The following GRID2 variants were observed in gnomAD, a reference collection of about 807,000 sequenced individuals.
GRID2 encodes glutamate ionotropic receptor delta type subunit 2, also known as glutamate receptor ionotropic, delta-2.
Under a neutral mutation model 114.8 loss-of-function variants are expected in GRID2, and 33 were observed. That is an observed-to-expected ratio of 0.29 (90% CI 0.22 to 0.38). The LOEUF (loss-of-function observed/expected upper bound fraction) is 0.38, where lower values mean the gene tolerates loss of function less well. Ranked by LOEUF, GRID2 falls within the 10% of genes least tolerant of loss-of-function variation. GRID2 has a pLI of 1.00. For missense variants in GRID2, 1,184 were observed against 1,257.7 expected, an observed-to-expected ratio of 0.94 and a Z score of 0.89; for synonymous variants, 505 against 449.9, an observed-to-expected ratio of 1.12 and a Z score of -1.55.
chr4:92,892,842 T>C lies in GRID2; in HGVS notation c.245-192153T>C, dbSNP rs543978804. Among the ~76,000 whole-genome samples, 51 of 152,310 alleles carry C rather than the reference T, an allele frequency of 3.3e-4. No homozygotes were observed. The South Asian group carries it at 0.01, about 30-fold the overall frequency. On this transcript the variant is annotated intron_variant, in intron 2 of 15. Transcript: ENST00000282020. ...CATAGATTATTACAGATTTGTAAAG[T>C]TGTTGACACTTTAAAATTAATTTTA...
At chr4:92,991,738 A>T (rs1440629750) in intron 2 of GRID2, among the ~76,000 whole-genome samples, 1 of 152,178 alleles carries the variant, frequency 6.6e-6, no homozygotes, top group East Asian at 1.9e-4. Context: ...TAAATTTAAA[A>T]CAACTAAAAA....
intron 14 of GRID2, among the ~76,000 whole-genome samples, chr4:93,727,155 G>A (rs375921935): frequency 1.6e-4 from 25 of 152,172 alleles, no homozygotes; most frequent in Admixed American, 3.9e-4. Flanking sequence ...TTTGAGATAC[G>A]TCCCATCAAT....
chr4:92,619,803 A>G (rs1162624760), intron 2 of GRID2, among the ~76,000 whole-genome samples: 1 of 151,688 alleles, frequency 6.6e-6, no homozygotes, highest in Non-Finnish European at 1.5e-5. Flanking sequence ...GAATCCTTAA[A>G]TAGTTTCACA....
chr4:93,195,759 A>G (rs1466442555), intron 4 of GRID2, among the ~76,000 whole-genome samples: 7 of 152,364 alleles, frequency 4.6e-5, no homozygotes, highest in African/African-American at 1.7e-4. Context: ...TAGGAAAGGT[A>G]GAACAGTGAA....
At chr4:93,295,422 G>A (rs1196182890) in intron 8 of GRID2, among the ~76,000 whole-genome samples, 7 of 152,158 alleles carry the variant, frequency 4.6e-5, no homozygotes, top group Non-Finnish European at 1.0e-4. Context: ...TTCAACCAGA[G>A]AAACAGAAGT....
chr4:92,441,125 G>A (rs1315235379), intron 1 of GRID2, among the ~76,000 whole-genome samples: 6 of 152,112 alleles, frequency 3.9e-5, no homozygotes, highest in Non-Finnish European at 1.5e-5. Flanking sequence ...GTGCGGTCCT[G>A]GCTCTTGTGT....
At chr4:92,389,915 T>C (rs1030375591) in intron 1 of GRID2, among the ~76,000 whole-genome samples, 1 of 152,122 alleles carries the variant, frequency 6.6e-6, no homozygotes, top group Non-Finnish European at 1.5e-5. Flanking sequence ...TTGCAGGTGC[T>C]ATGAAACTGG....
At position 93,573,813 on chromosome 4, in the gene GRID2, C is replaced by T. The variant is rs1056906109; in HGVS notation, c.2194-52456C>T. 6.7e-4 allele frequency among the ~76,000 whole-genome samples: 102 copies of T among 152,042 alleles called. 1 individual carries two copies. Among genetic ancestry groups the T allele is most frequent in the Non-Finnish European group, 1.5e-4 (10 of 68,014 alleles). ...ACCCTGGACCACTGCAAATAGAGTT[C>T]CACATGTAGATAAAACATTGTTGAA... On this transcript the variant is annotated intron_variant, in intron 13 of 15. Transcript: ENST00000282020.
At chr4:93,663,514 ATGTGTGTGTG>A (rs1723683148) in intron 14 of GRID2, among the ~76,000 whole-genome samples, 1 of 151,920 alleles carries the variant, frequency 6.6e-6, no homozygotes. Context: ...ATGTGTGTGT[ATGTGTGTGTG>A]TCTGTGTGTG....
In GRID2 at chr4:93,657,511, G is replaced by A. The variant is rs527402672; in HGVS notation, c.2360+31076G>A. 5.3e-5 allele frequency among the ~76,000 whole-genome samples: 8 copies of A among 151,972 alleles called. No individual in the cohort carries two copies. The South Asian group carries it at 6.2e-4, about 12-fold the overall frequency. On this transcript the variant is annotated intron_variant, in intron 14 of 15. Transcript: ENST00000282020. ...TTGATGGGACATAAATCTTTTTATC[G>A]TAATGTCATCCTGGATAAAAACATG...
At chr4:93,484,131 T>C (rs976928785) in intron 11 of GRID2, among the ~76,000 whole-genome samples, 3 of 151,932 alleles carry the variant, frequency 2.0e-5, no homozygotes, top group African/African-American at 7.2e-5. Context: ...TGAAGTATTA[T>C]TTGCCTACAG....
At chr4:92,815,960 CA>C (rs147588022) in intron 2 of GRID2, among the ~76,000 whole-genome samples, 2 of 128,720 alleles carry the variant, frequency 1.6e-5, no homozygotes, top group African/African-American at 2.9e-5. Context: ...AACAAAAAGC[CA>C]AAAAAAAACC....
chr4:92,638,678 A>G (rs982943599), intron 2 of GRID2, among the ~76,000 whole-genome samples: 1 of 150,444 alleles, frequency 6.6e-6, no homozygotes, highest in African/African-American at 2.4e-5. Context: ...AATATGTAAT[A>G]TAAGGAAAAA....
chr4:93,112,642 T>C (rs187590065), intron 4 of GRID2, among the ~76,000 whole-genome samples: 1 of 152,120 alleles, frequency 6.6e-6, no homozygotes, highest in African/African-American at 2.4e-5. Context: ...ATAGCAGAGA[T>C]AATGCTAGTG....
At chr4:93,469,723 G>T (rs527343033) in intron 11 of GRID2, among the ~76,000 whole-genome samples, 3 of 152,020 alleles carry the variant, frequency 2.0e-5, no homozygotes, top group African/African-American at 4.8e-5. Context: ...TGTAAACTCA[G>T]CATTATCCTC....
chr4:92,623,540 G>T (rs961047047), intron 2 of GRID2, among the ~76,000 whole-genome samples: 1 of 151,880 alleles, frequency 6.6e-6, no homozygotes, highest in South Asian at 2.1e-4. Context: ...GTGATCATGT[G>T]TGCAATAAGA....
chr4:93,266,586 G>T (rs570912388), intron 8 of GRID2, among the ~76,000 whole-genome samples: 1 of 152,240 alleles, frequency 6.6e-6, no homozygotes, highest in Admixed American at 6.5e-5. Context: ...CATGTCACTT[G>T]TATTTTTAGT....
intron 4 of GRID2, among the ~76,000 whole-genome samples, chr4:93,138,110 C>T (rs1382339981): frequency 6.6e-6 from 1 of 151,380 alleles, no homozygotes; most frequent in African/African-American, 2.4e-5. Flanking sequence ...GTAACTGAGG[C>T]TACAGGTGTA....
intron 13 of GRID2, among the ~76,000 whole-genome samples, chr4:93,582,469 T>TA (rs1047364755): frequency 6.6e-6 from 1 of 152,192 alleles, no homozygotes; most frequent in African/African-American, 2.4e-5. Context: ...TGGAGTGGGA[T>TA]AAAGCATTAT....
Sources: gnomAD v4.1 joint callset for allele counts (sites outside exome capture counted in the v4.1 genomes callset) on GRCh38, gnomAD v4.1.1 for gene constraint, MANE v1.5 for transcripts, NCBI Gene and HGNC (gene_info 2026-07-23, HGNC 2026-07-21) for gene names.